The following SV2C variants were observed in gnomAD, a reference collection of about 807,000 sequenced individuals.
The protein encoded by SV2C is solute carrier family 22 member B3.
In SV2C, 49 loss-of-function variants were observed where a neutral mutation model predicts 79.7. The observed-to-expected ratio is 0.61, with a 90% CI of 0.49 to 0.78. SV2C has a LOEUF of 0.78. Ranked by LOEUF, SV2C falls within the 30% of genes least tolerant of loss-of-function variation. The pLI, the probability that SV2C is intolerant of heterozygous loss-of-function variation, is 0.00. For missense variants in SV2C, 833 were observed against 912.9 expected, an observed-to-expected ratio of 0.91 and a Z score of 1.13; for synonymous variants, 334 against 333.2, an observed-to-expected ratio of 1.00 and a Z score of -0.03.
the SV2C span, among the ~76,000 whole-genome samples, chr5:75,972,814 A>G: frequency 2.0e-5 from 3 of 152,120 alleles, no homozygotes; most frequent in Non-Finnish European, 4.4e-5. Flanking sequence ...TGACCCAGCC[A>G]TCCCATTACT....
chr5:75,936,142 G>A, the SV2C span, among the ~76,000 whole-genome samples: 1 of 152,146 alleles, frequency 6.6e-6, no homozygotes, highest in Non-Finnish European at 1.5e-5. Context: ...GAGAATCTTA[G>A]GAAACTCATG....
At chr5:75,904,944 T>A in the SV2C span, among the ~76,000 whole-genome samples, 1 of 152,194 alleles carries the variant, frequency 6.6e-6, no homozygotes, top group Non-Finnish European at 1.5e-5. Context: ...CAAATGAAAT[T>A]CAAGTCCTAT....
chr5:75,921,635 C>A, the SV2C span: 24 of 846,514 alleles, frequency 2.8e-5, no homozygotes, highest in East Asian at 3.9e-4. Flanking sequence ...GATGTTTTTC[C>A]TGTCCCACTG....
At chr5:75,954,347 G>C in the SV2C span, among the ~76,000 whole-genome samples, 1 of 151,966 alleles carries the variant, frequency 6.6e-6, no homozygotes, top group African/African-American at 2.4e-5. Flanking sequence ...AGGATTTAAA[G>C]AGCCTATCAT....
chr5:75,920,496 C>A, the SV2C span, among the ~76,000 whole-genome samples: 1 of 152,284 alleles, frequency 6.6e-6, no homozygotes, highest in East Asian at 1.9e-4. Context: ...CCACAGCCAC[C>A]CAGTGGGCTA....
intron 4 of SV2C, among the ~76,000 whole-genome samples, chr5:76,254,651 A>G (rs1252566240): frequency 1.3e-5 from 2 of 152,216 alleles, no homozygotes; most frequent in Non-Finnish European, 2.9e-5. Context: ...TAATGAATGA[A>G]GCTTCTACTT....
At chr5:76,043,484 A>G in the SV2C span, among the ~76,000 whole-genome samples, 2 of 152,216 alleles carry the variant, frequency 1.3e-5, no homozygotes, top group East Asian at 1.9e-4. Flanking sequence ...AGGATTTCAA[A>G]GCCCAGATAA....
the SV2C span, among the ~76,000 whole-genome samples, chr5:75,998,668 A>C: frequency 2.0e-5 from 3 of 150,706 alleles, no homozygotes; most frequent in Admixed American, 6.6e-5. Context: ...GTGAATGTGT[A>C]TGTGTGTGGG....
the SV2C span, among the ~76,000 whole-genome samples, chr5:75,956,287 A>G: frequency 6.8e-6 from 1 of 147,042 alleles, no homozygotes; most frequent in Non-Finnish European, 1.5e-5. Context: ...TCAGTAAACT[A>G]TCGCAAGAAC....
the SV2C span, among the ~76,000 whole-genome samples, chr5:75,996,606 C>T: frequency 6.6e-6 from 1 of 152,072 alleles, no homozygotes; most frequent in Non-Finnish European, 1.5e-5. Context: ...TTGATTCTTC[C>T]TACCCATGAG....
the SV2C span, among the ~76,000 whole-genome samples, chr5:75,986,571 G>A: frequency 6.6e-6 from 1 of 151,980 alleles, no homozygotes; most frequent in Non-Finnish European, 1.5e-5. Flanking sequence ...AAGCCACTAA[G>A]TTTGTAGTAA....
intron 4 of SV2C, among the ~76,000 whole-genome samples, chr5:76,240,125 T>TA (rs1745737550): frequency 6.6e-6 from 1 of 152,244 alleles, no homozygotes; most frequent in South Asian, 2.1e-4. Context: ...GAGAAGAATC[T>TA]AATGCCTACT....
At chr5:76,178,729 C>T (rs551695778) in intron 2 of SV2C, among the ~76,000 whole-genome samples, 2 of 152,130 alleles carry the variant, frequency 1.3e-5, no homozygotes, top group Non-Finnish European at 2.9e-5. Flanking sequence ...TGTTTAACTG[C>T]AGGCTGGTGG....
intron 1 of SV2C, among the ~76,000 whole-genome samples, chr5:76,116,339 A>G (rs559270680): frequency 2.0e-4 from 30 of 152,340 alleles, no homozygotes; most frequent in African/African-American, 7.2e-4. Flanking sequence ...TGTTTTGTTC[A>G]GTCTCTGACT....
chr5:76,126,512 T>C (rs1441239476), intron 1 of SV2C, among the ~76,000 whole-genome samples: 2 of 152,148 alleles, frequency 1.3e-5, no homozygotes. Flanking sequence ...GAGTCCTTTG[T>C]AGCCCAGCAT....
At chr5:76,000,056 C>G in the SV2C span, among the ~76,000 whole-genome samples, 1 of 152,078 alleles carries the variant, frequency 6.6e-6, no homozygotes, top group South Asian at 2.1e-4. Flanking sequence ...CATAGCAAGG[C>G]CCTAAACAAA....
chr5:76,343,453 CA>C (rs966399851), intron 12 of SV2C, among the ~76,000 whole-genome samples: 3 of 152,094 alleles, frequency 2.0e-5, no homozygotes, highest in African/African-American at 7.2e-5. Context: ...GGCCATTTAA[CA>C]TATGAAAAGG....
At chr5:76,306,433 A>ACTT (rs2112534803) in intron 12 of SV2C, among the ~76,000 whole-genome samples, 1 of 152,270 alleles carries the variant, frequency 6.6e-6, no homozygotes, top group East Asian at 1.9e-4. Context: ...CTTATTCTTT[A>ACTT]CTTATACCTT....
chr5:76,305,154 C>T (rs1748142556), intron 12 of SV2C, among the ~76,000 whole-genome samples: 1 of 152,156 alleles, frequency 6.6e-6, no homozygotes, highest in South Asian at 2.1e-4. Flanking sequence ...GGGCACAGTG[C>T]TAAACCATTC....
Sources: gnomAD v4.1 joint callset for allele counts (sites outside exome capture counted in the v4.1 genomes callset) on GRCh38, gnomAD v4.1.1 for gene constraint, MANE v1.5 for transcripts, NCBI Gene and HGNC (gene_info 2026-07-23, HGNC 2026-07-21) for gene names.